The following EVI5L variants were observed in gnomAD, a reference collection of about 807,000 sequenced individuals.
EVI5L encodes the protein ecotropic viral integration site 5 like, also known as EVI5-like protein.
EVI5L carries 30 observed loss-of-function variants against 106.1 expected under a neutral mutation model. The ratio of observed to expected loss-of-function variants is 0.28; its 90% CI spans 0.21 to 0.38. The LOEUF (loss-of-function observed/expected upper bound fraction) is 0.38. Among genes scored for constraint, EVI5L ranks in the 10% least tolerant of loss-of-function variants. The pLI is 1.00. For missense variants in EVI5L, 809 were observed against 1,098.0 expected (o/e 0.74, Z 3.72); for synonymous variants, 489 against 483.3 (o/e 1.01, Z -0.15).
Position 7,837,684 on chromosome 19 carries a change from T to C in EVI5L, c.-48+7303T>C, listed in dbSNP as rs113429354. Among the ~76,000 whole-genome samples the C allele has an allele frequency of 9.4e-3, 1,433 of 152,108 alleles. 21 individuals carry two copies. The highest frequency in any genetic ancestry group is 0.032 in the African/African-American group (1,332 of 41,502). ...TTCGTGACCTTGACGTTTTTGTTTG[T>C]TTGGTTTGGTTTGGTTTTTGTTTTT... On this transcript the variant is annotated intron_variant, in intron 1 of 19. Coordinates refer to ENST00000538904, the MANE Select transcript of EVI5L (RefSeq NM_001159944.3).
At position 7,857,296 on chromosome 19, in the gene EVI5L, G is replaced by A; in HGVS notation, c.1233+172G>A. 3 of 851,538 alleles carry A rather than the reference G, an allele frequency of 3.5e-6. No individual in the cohort carries two copies. The highest frequency in any genetic ancestry group is 5.6e-6 in the Non-Finnish European group (3 of 533,554). 52.7% of individuals were successfully genotyped at this position (851,538 alleles called of 1,614,324 possible). A position where few individuals can be genotyped will look rare whatever the true frequency, so the allele number is the denominator to read the frequency against. On this transcript the variant is annotated intron_variant, in intron 12 of 19. Coordinates refer to ENST00000538904, the MANE Select transcript of EVI5L (RefSeq NM_001159944.3). The surrounding 1 kb of genome is among the most constrained non-coding windows in gnomAD (Gnocchi z 4.5). ...GACACAGAGGCTTCCCGGGGGGGCGGGGCATGTGAAGTGGGGAGAAGGGTG... is the reference window on the plus strand; with the variant it reads ...GACACAGAGGCTTCCCGGGGGGGCGAGGCATGTGAAGTGGGGAGAAGGGTG...
intron 1 of EVI5L, among the ~76,000 whole-genome samples, chr19:7,842,104 GTA>G (rs1169156412): frequency 6.6e-6 from 1 of 152,108 alleles, no homozygotes; most frequent in African/African-American, 2.4e-5. Flanking sequence ...GTGTGAAAGA[GTA>G]TGTGTGTATG....
chr19:7,844,331 CAAA>C (rs71179149), intron 1 of EVI5L, among the ~76,000 whole-genome samples: 11 of 132,440 alleles, frequency 8.3e-5, no homozygotes, highest in Non-Finnish European at 1.3e-4. Flanking sequence ...GACTCCGTCT[CAAA>C]AAAAAAAAAA....
chr19:7,844,957 G>T (rs1568236363), intron 1 of EVI5L, among the ~76,000 whole-genome samples: 1 of 152,218 alleles, frequency 6.6e-6, no homozygotes, highest in Non-Finnish European at 1.5e-5. Flanking sequence ...CTCAGGGGTT[G>T]GTTGGGGGCT....
rs1311126357 is a variant in EVI5L, at chr19:7,863,543, A to G, written c.2259A>G (p.Val753=). 6.3e-7 allele frequency: 1 copy of G among 1,599,848 alleles called. No individual in the cohort carries two copies. Among genetic ancestry groups the G allele is most frequent in the East Asian group, 2.3e-5 (1 of 44,112 alleles). The change falls in exon 20 of 20, where the codon GTA becomes GTG. Residue 753 remains valine (V), a synonymous_variant. Transcript: ENST00000538904. This position sits in a 1 kb window ranked among gnomAD's most constrained non-coding sequence, Gnocchi z 7.7. The stretch of plus-strand genomic sequence containing the variant: ...CGTCGGACGAGGAGCTACTTGGCGT[A>G]GGCGTGGGCGCTGCCCTGCAGGACG... The part of the protein sequence containing the change: ...LPSSDEELLG[V]GVGAALQDAL...
intron 1 of EVI5L, among the ~76,000 whole-genome samples, chr19:7,844,868 A>G (rs948670889): frequency 6.6e-6 from 1 of 152,108 alleles, no homozygotes; most frequent in Admixed American, 6.6e-5. Flanking sequence ...ATACAGTGAA[A>G]AAAGAATGGC....
Position 7,832,600 on chromosome 19 carries a change from G to A in EVI5L, c.-48+2219G>A, listed in dbSNP as rs576292815. ...GTGTGGAAGGGGACAGCAAGGTCTC[G>A]GAGGGGAGTCCTATGGGCTCCTGTG... On this transcript the variant is annotated intron_variant, in intron 1 of 19. Coordinates refer to ENST00000538904, the MANE Select transcript of EVI5L (RefSeq NM_001159944.3). Among the ~76,000 whole-genome samples, 25 of 152,226 alleles carry A rather than the reference G, an allele frequency of 1.6e-4. 1 individual carries two copies. In the South Asian group the frequency reaches 2.5e-3, roughly 15 times the overall value.
chr19:7,850,289 A>G lies in EVI5L; in HGVS notation c.753+167A>G, dbSNP rs1349156811. The stretch of plus-strand genomic sequence containing the variant: ...TGTGAAATCACACCTGGACGTTCCA[A>G]CTCCAAAAGGCACTCCTCTTTCCAT... On this transcript the variant is annotated intron_variant, in intron 6 of 19. Coordinates refer to ENST00000538904, the MANE Select transcript of EVI5L (RefSeq NM_001159944.3). This position sits in a 1 kb window ranked among gnomAD's most constrained non-coding sequence, Gnocchi z 5.4. Among the ~76,000 whole-genome samples, 1 of 151,934 alleles carries G rather than the reference A, an allele frequency of 6.6e-6. No individual in the cohort carries two copies. The highest frequency in any genetic ancestry group is 1.9e-4 in the East Asian group (1 of 5,170).
In EVI5L at chr19:7,856,925, C is replaced by G; in HGVS notation, c.1201-167C>G. 1.3e-6 allele frequency: 1 copy of G among 760,828 alleles called. No homozygotes were observed. The highest frequency in any genetic ancestry group is 2.7e-5 in the East Asian group (1 of 37,462). 47.1% of individuals were successfully genotyped at this position (760,828 alleles called of 1,614,324 possible). A position where few individuals can be genotyped will look rare whatever the true frequency, so the allele number is the denominator to read the frequency against. ...GCTGGCTCTAGCTTTGGTCTTCCTC[C>G]GGGTCCTCTCCTGCTGGTTCTCTGG... On this transcript the variant is annotated intron_variant, in intron 11 of 19. Transcript: ENST00000538904. The surrounding 1 kb of genome is among the most constrained non-coding windows in gnomAD (Gnocchi z 6.6).
Position 7,857,416 on chromosome 19 carries a change from G to T in EVI5L, c.1233+292G>T. 2 of 576,740 alleles carry T rather than the reference G, an allele frequency of 3.5e-6. No individual in the cohort carries two copies. Among genetic ancestry groups the T allele is most frequent in the Non-Finnish European group, 3.1e-6 (1 of 321,862 alleles). The allele number at this position is 576,740 out of a possible 1,614,324, so 35.7% of individuals were successfully genotyped here. A position where few individuals can be genotyped will look rare whatever the true frequency, so the allele number is the denominator to read the frequency against. On this transcript the variant is annotated intron_variant, in intron 12 of 19. Coordinates refer to ENST00000538904, the MANE Select transcript of EVI5L (RefSeq NM_001159944.3). This position sits in a 1 kb window ranked among gnomAD's most constrained non-coding sequence, Gnocchi z 4.5. The stretch of plus-strand genomic sequence containing the variant: ...CGACACAGGGTGGGGACCCAGGAGG[G>T]CTGGGGAACCTAAAACCATATTCAC...
Position 7,857,541 on chromosome 19 carries a change from T to C in EVI5L, c.1233+417T>C. 1 of 265,592 alleles carries C rather than the reference T, an allele frequency of 3.8e-6. No individual in the cohort carries two copies. The highest frequency in any genetic ancestry group is 4.9e-5 in the Admixed American group (1 of 20,268). The allele number at this position is 265,592 out of a possible 1,614,324, so 16.5% of individuals were successfully genotyped here. On this transcript the variant is annotated intron_variant, in intron 12 of 19. Coordinates refer to ENST00000538904, the MANE Select transcript of EVI5L (RefSeq NM_001159944.3). This position sits in a 1 kb window ranked among gnomAD's most constrained non-coding sequence, Gnocchi z 4.5. ...GCCCGGCCCTCACGCTGCTGCTCTC[T>C]GCTCCTACCTGCAATGCCTGCTACC...
In EVI5L at chr19:7,848,683, C is replaced by A. The variant is rs1041440725; in HGVS notation, c.328-238C>A. On this transcript the variant is annotated intron_variant, in intron 3 of 19. Transcript: ENST00000538904. The surrounding 1 kb of genome is among the most constrained non-coding windows in gnomAD (Gnocchi z 4.8). ...ACTCAGGAAGCTGAGGCAGGAGGAT[C>A]GCTTGAGCCCAGGAGTTCAAGGCTG... 1.3e-5 allele frequency among the ~76,000 whole-genome samples: 2 copies of A among 152,220 alleles called. No homozygotes were observed. The highest frequency in any genetic ancestry group is 4.1e-4 in the South Asian group (2 of 4,828).
Position 7,853,259 on chromosome 19 carries a change from C to G in EVI5L, c.1086-14C>G. The G allele has an allele frequency of 6.2e-7, 1 of 1,613,886 alleles. No homozygotes were observed. The highest frequency in any genetic ancestry group is 8.5e-7 in the Non-Finnish European group (1 of 1,179,948). On this transcript the variant is annotated splice_polypyrimidine_tract_variant and intron_variant, in intron 9 of 19. Coordinates refer to ENST00000538904, the MANE Select transcript of EVI5L (RefSeq NM_001159944.3). ...AGGGCATGACAGTAACCACGGGGCC[C>G]TCCCGATCTGCAGGCTGGAGAAGGA...
intron 6 of EVI5L, among the ~76,000 whole-genome samples, chr19:7,851,110 T>A (rs949890171): frequency 1.3e-5 from 2 of 151,168 alleles, no homozygotes; most frequent in African/African-American, 4.9e-5. Context: ...GTGACCCAAC[T>A]CCCCCAGCCT....
intron 1 of EVI5L, among the ~76,000 whole-genome samples, chr19:7,844,924 C>G (rs1267319640): frequency 1.3e-5 from 2 of 152,182 alleles, no homozygotes; most frequent in African/African-American, 4.8e-5. Flanking sequence ...TGGCCAGGGT[C>G]AAGTCCATCC....
chr19:7,842,978 G>C (rs1019570405), intron 1 of EVI5L, among the ~76,000 whole-genome samples: 3 of 145,622 alleles, frequency 2.1e-5, no homozygotes, highest in African/African-American at 7.6e-5. Context: ...TGTGACTATG[G>C]ATGAGCACGT....
intron 10 of EVI5L, 137 bp downstream of exon 10, chr19:7,853,470 T>C: frequency 8.5e-7 from 1 of 1,169,960 alleles, no homozygotes; most frequent in African/African-American, 1.5e-5. Context: ...CGGACAGGCC[T>C]CCGCCCACCT....
chr19:7,847,694 G>A (rs1325870636), intron 2 of EVI5L, 38 bp from the exon 3 acceptor site: 1 of 1,598,274 alleles, frequency 6.3e-7, no homozygotes, highest in Admixed American at 1.8e-5. Context: ...TGTCCCCAGG[G>A]AGTCACTGGT....
In EVI5L at chr19:7,863,118, G is replaced by T. The variant is rs1178633080; in HGVS notation, c.2043+51G>T. On this transcript the variant is annotated intron_variant, in intron 18 of 19. Transcript: ENST00000538904. This position sits in a 1 kb window ranked among gnomAD's most constrained non-coding sequence, Gnocchi z 7.7. ...GGCGGGGGCGGGGGCAGGGCCCGGG[G>T]CAGGAGCGGGGCCGGACCCCAGGCC... 6 of 1,530,724 alleles carry T rather than the reference G, an allele frequency of 3.9e-6. No homozygotes were observed. Among genetic ancestry groups the T allele is most frequent in the Non-Finnish European group, 5.3e-6 (6 of 1,139,442 alleles). 94.8% of individuals were successfully genotyped at this position (1,530,724 alleles called of 1,614,324 possible). A position where few individuals can be genotyped will look rare whatever the true frequency, so the allele number is the denominator to read the frequency against.
Sources: gnomAD v4.1 joint callset for allele counts (sites outside exome capture counted in the v4.1 genomes callset) on GRCh38, gnomAD v4.1.1 for gene constraint, Gnocchi (gnomAD v3.1) non-coding constraint, MANE v1.5 for transcripts, NCBI Gene and HGNC (gene_info 2026-07-23, HGNC 2026-07-21) for gene names.